The following MALRD1 variants were observed in gnomAD, a reference collection of about 807,000 sequenced individuals.
MALRD1 encodes the protein MAM and LDL-receptor class A domain-containing protein 1.
A neutral mutation model predicts 242.1 loss-of-function variants in MALRD1; 247 were observed. The ratio of observed to expected loss-of-function variants is 1.02; its 90% CI spans 0.92 to 1.13. The LOEUF (loss-of-function observed/expected upper bound fraction) is 1.13, where lower values mean the gene tolerates loss of function less well. MALRD1 is among the 50% of genes most tolerant of loss of function. The pLI, the probability that MALRD1 is intolerant of heterozygous loss-of-function variation, is 0.00. For missense variants in MALRD1, 2,989 were observed against 2,533.1 expected (o/e 1.18, Z -3.86); for synonymous variants, 995 against 866.6 (o/e 1.15, Z -2.60).
Position 19,128,366 on chromosome 10 carries a change from A to T in MALRD1, c.1089A>T (p.Arg363Ser). 8.1e-7 allele frequency: 1 copy of T among 1,233,158 alleles called. No homozygotes were observed. Among genetic ancestry groups the T allele is most frequent in the Non-Finnish European group, 1.0e-6 (1 of 987,570 alleles). 76.4% of individuals were successfully genotyped at this position (1,233,158 alleles called of 1,614,324 possible). Residue 363 changes from arginine (R) to serine (S), a missense_variant, in exon 8 of 40, where the codon AGA (arginine) becomes AGT (serine). Transcript: ENST00000454679. ...FYYAMESSVL[R>S]VRLYNNKEEE... ...ATGCAATGGAAAGCAGTGTCCTGAG[A>T]GTAAGACTGTATAATAATAAGGTAA...
chr10:19,543,002 A>C (rs1350708562), intron 32 of MALRD1, among the ~76,000 whole-genome samples: 2 of 152,188 alleles, frequency 1.3e-5, no homozygotes, highest in Non-Finnish European at 2.9e-5. Flanking sequence ...TGTTAATAAT[A>C]TGGATGTTCT....
At chr10:19,259,139 T>A (rs371924942) in intron 19 of MALRD1, among the ~76,000 whole-genome samples, 9 of 152,156 alleles carry the variant, frequency 5.9e-5, no homozygotes, top group African/African-American at 2.2e-4. Context: ...GGTCATTCTA[T>A]TGTCAGAATC....
chr10:19,380,633 A>T lies in MALRD1; in HGVS notation c.4442-6895A>T, dbSNP rs149667529. Among the ~76,000 whole-genome samples the T allele has an allele frequency of 4.5e-4, 69 of 152,188 alleles. 1 individual carries two copies. The East Asian group carries it at 7.0e-3, about 15-fold the overall frequency. On this transcript the variant is annotated intron_variant, in intron 26 of 39. Transcript: ENST00000454679. ...AAGTTTAATGTCCATACATAATATT[A>T]TAAGGTTTAAAGTAATTTAATATAT...
intron 36 of MALRD1, among the ~76,000 whole-genome samples, chr10:19,633,408 C>T (rs548904406): frequency 6.6e-6 from 1 of 152,250 alleles, no homozygotes; most frequent in South Asian, 2.1e-4. Flanking sequence ...GTTTGTCAAG[C>T]ACATAAGATA....
chr10:19,451,431 A>G (rs1835321139), intron 29 of MALRD1, among the ~76,000 whole-genome samples: 1 of 152,194 alleles, frequency 6.6e-6, no homozygotes, highest in Non-Finnish European at 1.5e-5. Context: ...AAAACTACCC[A>G]GAAAATGTCA....
At chr10:19,051,256 A>T (rs1216107262) in intron 1 of MALRD1, among the ~76,000 whole-genome samples, 1 of 152,012 alleles carries the variant, frequency 6.6e-6, no homozygotes, top group Non-Finnish European at 1.5e-5. Flanking sequence ...AGATTTTTTT[A>T]AAACTAGCTT....
At chr10:19,401,782 A>G (rs1346523968) in intron 28 of MALRD1, among the ~76,000 whole-genome samples, 7 of 152,072 alleles carry the variant, frequency 4.6e-5, no homozygotes, top group Non-Finnish European at 7.4e-5. Flanking sequence ...CACACTGGCC[A>G]CCTCTAGTGA....
intron 32 of MALRD1, among the ~76,000 whole-genome samples, chr10:19,547,422 GCT>G (rs1277913601): frequency 2.0e-5 from 3 of 151,908 alleles, no homozygotes; most frequent in African/African-American, 7.3e-5. Context: ...AATTTCTAAA[GCT>G]CTCTGCTTCT....
intron 33 of MALRD1, among the ~76,000 whole-genome samples, chr10:19,592,217 G>T (rs1300918469): frequency 6.6e-6 from 1 of 152,216 alleles, no homozygotes; most frequent in Non-Finnish European, 1.5e-5. Flanking sequence ...ATTCTCTCAG[G>T]AACATCCCTG....
chr10:19,388,279 A>G (rs1328624992), intron 27 of MALRD1, among the ~76,000 whole-genome samples: 1 of 152,228 alleles, frequency 6.6e-6, no homozygotes, highest in Non-Finnish European at 1.5e-5. Flanking sequence ...AAATAAGGTC[A>G]CATTCATAAG....
chr10:19,590,246 G>A (rs920983854), intron 33 of MALRD1, among the ~76,000 whole-genome samples: 2 of 148,626 alleles, frequency 1.3e-5, no homozygotes, highest in African/African-American at 2.5e-5. Flanking sequence ...AATATTGGTG[G>A]TGATATATAT....
At chr10:19,573,206 C>T (rs1836647826) in intron 33 of MALRD1, among the ~76,000 whole-genome samples, 2 of 152,180 alleles carry the variant, frequency 1.3e-5, no homozygotes, top group African/African-American at 4.8e-5. Flanking sequence ...CTTCTGGATC[C>T]TGCCCCAGGT....
chr10:19,652,071 C>A (rs530102189), intron 36 of MALRD1, among the ~76,000 whole-genome samples: 24 of 152,236 alleles, frequency 1.6e-4, no homozygotes, highest in Non-Finnish European at 3.4e-4. Flanking sequence ...ATGAAACTGC[C>A]AACAGGGCCA....
intron 28 of MALRD1, among the ~76,000 whole-genome samples, chr10:19,396,811 G>GT (rs1846603666): frequency 6.6e-6 from 1 of 152,034 alleles, no homozygotes; most frequent in Non-Finnish European, 1.5e-5. Flanking sequence ...ACTACTTTGT[G>GT]TTCATCAACT....
chr10:19,370,857 A>G (rs560329591), intron 26 of MALRD1, among the ~76,000 whole-genome samples: 3 of 152,282 alleles, frequency 2.0e-5, no homozygotes, highest in African/African-American at 7.2e-5. Context: ...GATAACAGGC[A>G]TGAGCCACTG....
intron 21 of MALRD1, among the ~76,000 whole-genome samples, chr10:19,285,292 A>G (rs967991551): frequency 2.9e-5 from 4 of 139,082 alleles, no homozygotes; most frequent in Non-Finnish European, 4.7e-5. Flanking sequence ...TTTTGTTGCC[A>G]TTGCTTTTGG....
At chr10:19,607,352 C>G (rs1428586287) in intron 34 of MALRD1, among the ~76,000 whole-genome samples, 3 of 152,144 alleles carry the variant, frequency 2.0e-5, no homozygotes, top group African/African-American at 7.2e-5. Context: ...TAAGGCCTCT[C>G]TCCTTGGCTT....
intron 12 of MALRD1, among the ~76,000 whole-genome samples, chr10:19,164,708 G>T (rs1268226306): frequency 6.6e-6 from 1 of 152,146 alleles, no homozygotes. Flanking sequence ...CTTAGAAAGT[G>T]CTCAGTAAAT....
At chr10:19,291,974 T>G (rs894443469) in intron 21 of MALRD1, among the ~76,000 whole-genome samples, 5 of 150,452 alleles carry the variant, frequency 3.3e-5, no homozygotes, top group Non-Finnish European at 7.4e-5. Flanking sequence ...TAATCCCAGT[T>G]ACTCAGGAGG....
Sources: gnomAD v4.1 joint callset for allele counts (sites outside exome capture counted in the v4.1 genomes callset) on GRCh38, gnomAD v4.1.1 for gene constraint, MANE v1.5 for transcripts, NCBI Gene and HGNC (gene_info 2026-07-23, HGNC 2026-07-21) for gene names.